The following HIRIP3 variants were observed in gnomAD, a reference collection of about 807,000 sequenced individuals.
HIRIP3 encodes the protein HIRA-interacting protein 3.
In HIRIP3, 40 loss-of-function variants were observed where a neutral mutation model predicts 50.3. The ratio of observed to expected loss-of-function variants is 0.79; its 90% CI spans 0.62 to 1.03. The LOEUF (loss-of-function observed/expected upper bound fraction) is 1.03. HIRIP3 is among the 50% of genes least tolerant of loss of function. The pLI, the probability that HIRIP3 is intolerant of heterozygous loss-of-function variation, is 0.00. For synonymous variants in HIRIP3, 318 were observed against 261.6 expected (o/e 1.22, Z -2.08); for missense variants, 765 against 705.4 (o/e 1.08, Z -0.96).
In HIRIP3 at chr16:29,994,610, T is replaced by G. The variant is rs2150914942; in HGVS notation, c.535A>C (p.Lys179Gln). ...GKTRKKPVVK[K>Q]QAPGKASVSR... is the part of the protein sequence containing the mutation. Reference sequence around the variant, plus strand: ...ACTGAGGCCTTGCCTGGTGCCTGCTTCTTTACCACAGGTTTCTTCCTAGTC... The same window carrying G: ...ACTGAGGCCTTGCCTGGTGCCTGCTGCTTTACCACAGGTTTCTTCCTAGTC... The change falls in exon 4 of 7, where the codon AAG becomes CAG. Residue 179 changes from lysine (K) to glutamine (Q), a missense_variant. Physicochemically the swap from Lys to Gln is moderately conservative, Grantham distance 53. Coordinates refer to ENST00000279392, the MANE Select transcript of HIRIP3 (RefSeq NM_003609.5). 2.5e-6 allele frequency: 4 copies of G among 1,614,166 alleles called. No homozygotes were observed. Among genetic ancestry groups the G allele is most frequent in the Non-Finnish European group, 3.4e-6 (4 of 1,180,026 alleles).
At position 29,993,454 on chromosome 16, in the gene HIRIP3, C is replaced by G; in HGVS notation, c.1507+5G>C. 1 of 1,611,208 alleles carries G rather than the reference C, an allele frequency of 6.2e-7. No homozygotes were observed. Among genetic ancestry groups the G allele is most frequent in the East Asian group, 2.2e-5 (1 of 44,844 alleles). On this transcript the variant is annotated splice_donor_5th_base_variant and intron_variant, in intron 6 of 6. Coordinates refer to ENST00000279392, the MANE Select transcript of HIRIP3 (RefSeq NM_003609.5). ...GCTCCTGGGCAGTGAGAGGAAACCC[C>G]TTACCCGAGCCACTGATGATGTTCG...
Position 29,994,411 on chromosome 16 carries a change from T to A in HIRIP3, c.734A>T (p.Glu245Val). The change falls in exon 4 of 7, where the codon GAG becomes GTG. Residue 245 changes from glutamate (E) to valine (V), a missense_variant. Physicochemically the swap from Glu to Val is moderately radical, Grantham distance 121. Coordinates refer to ENST00000279392, the MANE Select transcript of HIRIP3 (RefSeq NM_003609.5). ...TTCCTCATCCTCTTCTTTCTCTTCC[T>A]CCTCCACTTCCTCCTCTCTCTGCTC... is the stretch of plus-strand genomic sequence containing the variant. Reference protein sequence around the residue: ...KKEQREEEVEEEEKEEDEEKG... With the variant: ...KKEQREEEVEVEEKEEDEEKG... 2 of 1,613,802 alleles carry A rather than the reference T, an allele frequency of 1.2e-6. No individual in the cohort carries two copies. Among genetic ancestry groups the A allele is most frequent in the Non-Finnish European group, 1.7e-6 (2 of 1,179,842 alleles).
chr16:29,995,635 CCTT>C, upstream of HIRIP3: 1 of 1,610,468 alleles, frequency 6.2e-7, no homozygotes, highest in Non-Finnish European at 8.5e-7. Context: ...ACGGCTCCCG[CCTT>C]TTTTTCTTCT....
chr16:29,992,533 C>T lies in HIRIP3; in HGVS notation c.*674G>A, dbSNP rs1048141901. 11 of 152,216 alleles carry T rather than the reference C, an allele frequency of 7.2e-5. No homozygotes were observed. Among genetic ancestry groups the T allele is most frequent in the Non-Finnish European group, 1.2e-4 (8 of 68,080 alleles). 9.4% of individuals were successfully genotyped at this position (152,216 alleles called of 1,614,324 possible). On this transcript the variant is annotated 3_prime_UTR_variant, in exon 7 of 7. Transcript: ENST00000279392. Reference sequence around the variant, plus strand: ...GCAGCTCCATGCTCACGAATCTTCCCGCAAGCCTCAGCAGCCAGAGTTCAG... The same window carrying T: ...GCAGCTCCATGCTCACGAATCTTCCTGCAAGCCTCAGCAGCCAGAGTTCAG...
chr16:29,995,804 T>C, upstream of HIRIP3: 4 of 641,128 alleles, frequency 6.2e-6, no homozygotes, highest in Non-Finnish European at 1.1e-5. Flanking sequence ...GTCTCGCGGC[T>C]CCTACCCTTT....
In HIRIP3 at chr16:29,993,045, A is replaced by C; in HGVS notation, c.*162T>G. ...TTGAGTCTTAAAAAATAAACACCTTAAAGGGACAGCGTGAAGCTGAGAAGT... is the reference window on the plus strand; with the variant it reads ...TTGAGTCTTAAAAAATAAACACCTTCAAGGGACAGCGTGAAGCTGAGAAGT... On this transcript the variant is annotated 3_prime_UTR_variant, in exon 7 of 7. Transcript: ENST00000279392. 1.8e-6 allele frequency: 1 copy of C among 562,172 alleles called. No individual in the cohort carries two copies. The highest frequency in any genetic ancestry group is 3.2e-5 in the East Asian group (1 of 30,802). The allele number at this position is 562,172 out of a possible 1,614,324, so 34.8% of individuals were successfully genotyped here.
chr16:29,994,330 T>C lies in HIRIP3; in HGVS notation c.815A>G (p.Glu272Gly), dbSNP rs746427887. Residue 272 changes from glutamate to glycine, a missense_variant, in exon 4 of 7, where the codon GAG (glutamate) becomes GGG (glycine). Transcript: ENST00000279392. Reference sequence around the variant, plus strand: ...GCTTTTCTGCTTACAGCTCCTCTCCTCCCTAGCTGACTTTCTCCGGCCATT... The same window carrying C: ...GCTTTTCTGCTTACAGCTCCTCTCCCCCCTAGCTGACTTTCTCCGGCCATT... ...RSNGRRKSAR[E>G]ERSCKQKSQA... The C allele has an allele frequency of 6.2e-7, 1 of 1,614,132 alleles. No individual in the cohort carries two copies.
In HIRIP3 at chr16:29,995,601, G is replaced by A. The variant is rs773186219; in HGVS notation, c.5C>T (p.Ala2Val). Residue 2 changes from alanine to valine, a missense_variant, in exon 1 of 7, where the codon GCG becomes GTG. Coordinates refer to ENST00000279392, the MANE Select transcript of HIRIP3 (RefSeq NM_003609.5). Reference protein sequence around the residue: MAREKEMQEFTR... With the variant: MVREKEMQEFTR... ...GAACTCCTGCATCTCCTTCTCCCGC[G>A]CCATTTTGCTCAACCCGGGATTGAC... 35 of 1,612,158 alleles carry A rather than the reference G, an allele frequency of 2.2e-5. No homozygotes were observed. The highest frequency in any genetic ancestry group is 2.9e-5 in the Non-Finnish European group (34 of 1,179,978).
At chr16:29,995,255 C>A (rs756792861) in intron 2 of HIRIP3, 38 bp from the exon 3 acceptor site, 3 of 1,613,356 alleles carry the variant, frequency 1.9e-6, no homozygotes, top group Non-Finnish European at 2.5e-6. Flanking sequence ...TGCACCAAGG[C>A]TGCGCTCACC....
At position 29,994,034 on chromosome 16, in the gene HIRIP3, CACTT is replaced by C. The variant is rs770194767; in HGVS notation, c.1107_1110del (p.Ser370ThrfsTer56). On this transcript the variant is annotated frameshift_variant, in exon 4 of 7. Coordinates refer to ENST00000279392, the MANE Select transcript of HIRIP3 (RefSeq NM_003609.5). LOFTEE classifies it high-confidence loss of function. ...TGGGGGCCTCCCCCTGCCTCGCTGT[CACTT>C]ACCTCCCTCTCCAAGTCACTTTCCT... 58 of 1,611,252 alleles carry C rather than the reference CACTT, an allele frequency of 3.6e-5. No homozygotes were observed. Among genetic ancestry groups the C allele is most frequent in the Non-Finnish European group, 4.6e-5 (54 of 1,178,420 alleles).
chr16:29,993,716 C>T lies in HIRIP3; in HGVS notation c.1332G>A (p.Lys444=), dbSNP rs1480177788. The change falls in exon 5 of 7, where the codon AAG becomes AAA. Residue 444 remains lysine (K), a synonymous_variant. Transcript: ENST00000279392. The stretch of plus-strand genomic sequence containing the variant: ...TGTGTGAGCAACAGGAGCCCAACAG[C>T]TTCTTGTAGTTTCGATGGGCACCAC... The part of the protein sequence containing the change: ...RACGAHRNYK[K]LLGSCCSHKE... 1.2e-6 allele frequency: 2 copies of T among 1,609,676 alleles called. No homozygotes were observed. The highest frequency in any genetic ancestry group is 3.3e-5 in the Admixed American group (2 of 60,030).
At chr16:29,995,017 C>T in intron 3 of HIRIP3, 86 bp downstream of exon 3, 1 of 1,500,592 alleles carries the variant, frequency 6.7e-7, no homozygotes, top group South Asian at 1.2e-5. Context: ...TCATCTAACG[C>T]CTGGGGACAT....
In HIRIP3 at chr16:29,995,110, T is replaced by C. The variant is rs1411771717; in HGVS notation, c.294A>G (p.Ser98=). 1.2e-6 allele frequency: 2 copies of C among 1,614,006 alleles called. No homozygotes were observed. The highest frequency in any genetic ancestry group is 8.5e-7 in the Non-Finnish European group (1 of 1,179,962). ...DPERKRFRFN[S]ESESGSEASS... Reference sequence around the variant, plus strand: ...CAGGGAGGAAGCACTAACCCGACTCTGAATTGAAGCGGAACCTTTTTCTCT... The same window carrying C: ...CAGGGAGGAAGCACTAACCCGACTCCGAATTGAAGCGGAACCTTTTTCTCT... The change falls in exon 3 of 7, where the codon TCA becomes TCG. Residue 98 remains serine, a synonymous_variant. Transcript: ENST00000279392.
upstream of HIRIP3, chr16:29,995,631 C>T (rs571949113): frequency 2.5e-6 from 4 of 1,610,940 alleles, no homozygotes; most frequent in South Asian, 1.1e-5. Flanking sequence ...ATTGACGGCT[C>T]CCGCCTTTTT....
At chr16:29,993,394 A>C (rs1372283158) in intron 6 of HIRIP3, 24 bp from the exon 7 acceptor site, 2 of 1,572,246 alleles carry the variant, frequency 1.3e-6, no homozygotes, top group Non-Finnish European at 1.7e-6. Flanking sequence ...GAAACGAGAG[A>C]TCAGATGTCT....
rs1477006523 is a variant in HIRIP3 at position 29,994,438 on chromosome 16, T to C, written c.707A>G (p.Lys236Arg). ...CTCCACTTCCTCCTCTCTCTGCTCTTTCTTCTGGGCTAGGATCTCCTCTTC... is the reference window on the plus strand; with the variant it reads ...CTCCACTTCCTCCTCTCTCTGCTCTCTCTTCTGGGCTAGGATCTCCTCTTC... Reference protein sequence around the residue: ...ESEEEILAQKKEQREEEVEEE... With the variant: ...ESEEEILAQKREQREEEVEEE... Residue 236 changes from lysine (K) to arginine (R), a missense_variant, in exon 4 of 7, where the codon AAA becomes AGA. Coordinates refer to ENST00000279392, the MANE Select transcript of HIRIP3 (RefSeq NM_003609.5). 2 of 1,614,036 alleles carry C rather than the reference T, an allele frequency of 1.2e-6. No individual in the cohort carries two copies. The highest frequency in any genetic ancestry group is 1.7e-6 in the Non-Finnish European group (2 of 1,179,958).
At position 29,995,601 on chromosome 16, in the gene HIRIP3, G is replaced by T. The variant is rs773186219; in HGVS notation, c.5C>A (p.Ala2Glu). M[A>E]REKEMQEFTR... ...GAACTCCTGCATCTCCTTCTCCCGC[G>T]CCATTTTGCTCAACCCGGGATTGAC... Residue 2 changes from alanine (A) to glutamate (E), a missense_variant, in exon 1 of 7, where the codon GCG becomes GAG. Physicochemically the swap from Ala to Glu is moderately radical, Grantham distance 107 (BLOSUM62 -1). Transcript: ENST00000279392. 1 of 1,612,040 alleles carries T rather than the reference G, an allele frequency of 6.2e-7. No individual in the cohort carries two copies. Among genetic ancestry groups the T allele is most frequent in the African/African-American group, 1.3e-5 (1 of 74,858 alleles).
At chr16:29,993,835 C>T (rs1271433148) in intron 4 of HIRIP3, 27 bp from the exon 5 acceptor site, 1 of 1,612,940 alleles carries the variant, frequency 6.2e-7, no homozygotes, top group Non-Finnish European at 8.5e-7. Context: ...AGCTGAAGGC[C>T]AAGCCTGCTG....
In HIRIP3 at chr16:29,994,103, C is replaced by T. The variant is rs752486858; in HGVS notation, c.1042G>A (p.Gly348Ser). 1.2e-6 allele frequency: 2 copies of T among 1,613,790 alleles called. No individual in the cohort carries two copies. Among genetic ancestry groups the T allele is most frequent in the African/African-American group, 1.3e-5 (1 of 74,918 alleles). Residue 348 changes from glycine (G) to serine (S), a missense_variant, in exon 4 of 7, where the codon GGC (glycine) becomes AGC (serine). Gly to Ser is a moderately conservative substitution (Grantham distance 56). Transcript: ENST00000279392. Reference protein sequence around the residue: ...DSGKGEPTAKGSRKMARLGST... With the variant: ...DSGKGEPTAKSSRKMARLGST... Reference sequence around the variant, plus strand: ...CCCAGTCTGGCCATCTTTCTAGAGCCTTTAGCTGTGGGTTCCCCCTTCCCA... The same window carrying T: ...CCCAGTCTGGCCATCTTTCTAGAGCTTTTAGCTGTGGGTTCCCCCTTCCCA...
Sources: allele counts gnomAD v4.1 joint callset, GRCh38; gene constraint gnomAD v4.1.1; transcripts MANE v1.5; gene names NCBI Gene and HGNC (gene_info 2026-07-23, HGNC 2026-07-21).